Variants in C5orf46 observed in about 807,000 individuals in gnomAD.
The protein encoded by C5orf46 is uncharacterized protein C5orf46.
Under a neutral mutation model 8.9 loss-of-function variants are expected in C5orf46, and 9 were observed. The ratio of observed to expected loss-of-function variants is 1.01; its 90% CI spans 0.61 to 1.76. The LOEUF (loss-of-function observed/expected upper bound fraction) is 1.76, where lower values mean the gene tolerates loss of function less well. C5orf46 is among the 40% of genes most tolerant of loss of function. The pLI is 0.00. For synonymous variants in C5orf46, 47 were observed against 41.4 expected (o/e 1.14, Z -0.52); for missense variants, 98 against 107.8 (o/e 0.91, Z 0.40).
chr5:147,893,034 A>C (rs1323283402), intron 3 of C5orf46, 95 bp from the exon 4 acceptor site: 3 of 152,328 alleles, frequency 2.0e-5, no homozygotes, highest in Admixed American at 2.0e-4. Context: ...TTTCCCTTAA[A>C]ATTTTTATGC....
rs149471000 is a variant in C5orf46 at position 147,895,831 on chromosome 5, C to T, written c.*9+1153G>A. Among the ~76,000 whole-genome samples the T allele has an allele frequency of 4.9e-4, 74 of 152,250 alleles. 2 individuals carry two copies. Among genetic ancestry groups the T allele is most frequent in the Middle Eastern group, 3.4e-3 (1 of 292 alleles). Reference sequence around the variant, plus strand: ...GCCTTAGGGTAAGAGTCAGGAGTGTCGGGGTTGGGCATGTTTTGATTTCAA... The same window carrying T: ...GCCTTAGGGTAAGAGTCAGGAGTGTTGGGGTTGGGCATGTTTTGATTTCAA... On this transcript the variant is annotated intron_variant, in intron 3 of 3. Coordinates refer to ENST00000318315, the MANE Select transcript of C5orf46 (RefSeq NM_206966.3).
At chr5:147,890,913 G>A (rs757246674), downstream of C5orf46, among the ~76,000 whole-genome samples, 2 of 152,176 alleles carry the variant, frequency 1.3e-5, no homozygotes, top group African/African-American at 2.4e-5. Context: ...GAATTAATCT[G>A]AATTGAATTT....
At position 147,901,775 on chromosome 5, in the gene C5orf46, T is replaced by A. The variant is rs1246692073; in HGVS notation, c.71-2A>T. On this transcript the variant is annotated splice_acceptor_variant, in intron 1 of 3. Transcript: ENST00000318315. LOFTEE classifies it high-confidence loss of function. ...CGTCTGGCTTGTCTGGTTTGTCGTC[T>A]GAAAAACAACAGAATCTCAGAGGTG... 1 of 1,612,914 alleles carries A rather than the reference T, an allele frequency of 6.2e-7. No homozygotes were observed. Among genetic ancestry groups the A allele is most frequent in the African/African-American group, 1.3e-5 (1 of 74,876 alleles).
chr5:147,901,807 A>G, intron 1 of C5orf46, 34 bp from the exon 2 acceptor site: 1 of 1,599,940 alleles, frequency 6.3e-7, no homozygotes, highest in Non-Finnish European at 8.5e-7. Flanking sequence ...GGTGATTCTC[A>G]GCAACAAAGA....
intron 1 of C5orf46, among the ~76,000 whole-genome samples, chr5:147,902,464 T>A (rs956852105): frequency 2.6e-5 from 4 of 152,024 alleles, no homozygotes; most frequent in Non-Finnish European, 5.9e-5. Flanking sequence ...AGAAATAAAA[T>A]AAATAAATAA....
Position 147,903,026 on chromosome 5 carries a change from A to G in C5orf46, c.71-1253T>C, listed in dbSNP as rs567755055. 3.5e-4 allele frequency among the ~76,000 whole-genome samples: 54 copies of G among 152,300 alleles called. 1 individual carries two copies. Among genetic ancestry groups the G allele is most frequent in the African/African-American group, 1.2e-3 (51 of 41,576 alleles). ...CTTAACACTAGATTCTTAAGGGCCCATTGGAATGAGGGCCAAGGATCCAGA... is the reference window on the plus strand; with the variant it reads ...CTTAACACTAGATTCTTAAGGGCCCGTTGGAATGAGGGCCAAGGATCCAGA... On this transcript the variant is annotated intron_variant, in intron 1 of 3. Coordinates refer to ENST00000318315, the MANE Select transcript of C5orf46 (RefSeq NM_206966.3).
rs143114830 is a variant in C5orf46 at position 147,904,734 on chromosome 5, A to G, written c.70+1698T>C. Among the ~76,000 whole-genome samples, 218 of 152,176 alleles carry G rather than the reference A, an allele frequency of 1.4e-3. 1 individual carries two copies. Among genetic ancestry groups the G allele is most frequent in the African/African-American group, 5.0e-3 (209 of 41,540 alleles). On this transcript the variant is annotated intron_variant, in intron 1 of 3. Coordinates refer to ENST00000318315, the MANE Select transcript of C5orf46 (RefSeq NM_206966.3). The stretch of plus-strand genomic sequence containing the variant: ...GTCTGATTCCTGCCTTTAACAAAAA[A>G]TTAGCCATGTAAACTTGCACACAGT...
At chr5:147,903,852 A>T (rs1036995875) in intron 1 of C5orf46, among the ~76,000 whole-genome samples, 1 of 152,172 alleles carries the variant, frequency 6.6e-6, no homozygotes, top group African/African-American at 2.4e-5. Flanking sequence ...GGCTCAAGAC[A>T]TCCTCCCACC....
At chr5:147,903,008 C>T (rs1160378500) in intron 1 of C5orf46, among the ~76,000 whole-genome samples, 1 of 152,172 alleles carries the variant, frequency 6.6e-6, no homozygotes, top group East Asian at 1.9e-4. Flanking sequence ...CCTCTTAACA[C>T]TAGATTCTTA....
chr5:147,900,569 C>G (rs1485280438), intron 2 of C5orf46, among the ~76,000 whole-genome samples: 1 of 152,204 alleles, frequency 6.6e-6, no homozygotes, highest in African/African-American at 2.4e-5. Context: ...AACATCTGAT[C>G]AAGGCATGGC....
chr5:147,888,544 A>G (rs1243305618), downstream of C5orf46, among the ~76,000 whole-genome samples: 1 of 152,144 alleles, frequency 6.6e-6, no homozygotes, highest in Non-Finnish European at 1.5e-5. Flanking sequence ...ACTCAACTAT[A>G]AATGCCTCTT....
downstream of C5orf46, among the ~76,000 whole-genome samples, chr5:147,890,382 T>C (rs532228511): frequency 6.6e-6 from 1 of 152,116 alleles, no homozygotes; most frequent in Non-Finnish European, 1.5e-5. Context: ...TTGCTCATGA[T>C]TGCACCAGAA....
intron 2 of C5orf46, 29 bp downstream of exon 2, chr5:147,901,600 C>A (rs751466868): frequency 6.2e-7 from 1 of 1,605,326 alleles, no homozygotes; most frequent in South Asian, 1.1e-5. Context: ...GAGAATTGGA[C>A]AAAAAGCAAC....
chr5:147,887,380 C>T (rs761199730), intron 2 of C5orf46: 3 of 152,122 alleles, frequency 2.0e-5, no homozygotes, highest in Non-Finnish European at 4.4e-5. Context: ...CTAGTAACTA[C>T]CTCTGACTTC....
intron 2 of C5orf46, chr5:147,886,918 T>G (rs1313289283): frequency 6.6e-6 from 1 of 152,150 alleles, no homozygotes; most frequent in African/African-American, 2.4e-5. Context: ...CACATTTCAA[T>G]GGGGAAGAAC....
Position 147,906,515 on chromosome 5 carries a change from G to A in C5orf46, c.-14C>T. 6.3e-7 allele frequency: 1 copy of A among 1,596,438 alleles called. No homozygotes were observed. Among genetic ancestry groups the A allele is most frequent in the Non-Finnish European group, 8.6e-7 (1 of 1,164,916 alleles). ...TGAGACAGCCATTCTGGTAGCACGG[G>A]GTATTCGTGCAGATAAATTGTTCAG... On this transcript the variant is annotated 5_prime_UTR_variant, in exon 1 of 4. Transcript: ENST00000318315.
chr5:147,895,517 G>A (rs552839173), intron 3 of C5orf46, among the ~76,000 whole-genome samples: 62 of 152,282 alleles, frequency 4.1e-4, no homozygotes, highest in Non-Finnish European at 7.8e-4. Context: ...CCTGACCACG[G>A]TTACATAACC....
chr5:147,888,710 A>G (rs1217604985), downstream of C5orf46, among the ~76,000 whole-genome samples: 1 of 152,088 alleles, frequency 6.6e-6, no homozygotes, highest in African/African-American at 2.4e-5. Flanking sequence ...TTCCTTCCCA[A>G]GCAAGTCTCT....
Position 147,896,500 on chromosome 5 carries a change from G to A in C5orf46, c.*9+484C>T, listed in dbSNP as rs201419942. 1.4e-4 allele frequency among the ~76,000 whole-genome samples: 21 copies of A among 152,196 alleles called. No individual in the cohort carries two copies. The East Asian group carries it at 3.7e-3, about 27-fold the overall frequency. Reference sequence around the variant, plus strand: ...CAATATGCATTTTCAGGAGAGACCCGAGTAGGGAAAAAGCAAGTATTTCTG... The same window carrying A: ...CAATATGCATTTTCAGGAGAGACCCAAGTAGGGAAAAAGCAAGTATTTCTG... On this transcript the variant is annotated intron_variant, in intron 3 of 3. Transcript: ENST00000318315.
Sources: allele counts gnomAD v4.1 joint callset (sites outside exome capture counted in the v4.1 genomes callset), GRCh38; gene constraint gnomAD v4.1.1; transcripts MANE v1.5; gene names NCBI Gene and HGNC (gene_info 2026-07-23, HGNC 2026-07-21).